Variants in PHF20 observed in about 807,000 individuals in gnomAD.
PHF20 encodes glioma-expressed antigen 2.
Under a neutral mutation model 113.5 loss-of-function variants are expected in PHF20, and 23 were observed. The observed-to-expected ratio is 0.20, with a 90% CI of 0.15 to 0.29. PHF20 has a LOEUF of 0.29. Among genes scored for constraint, PHF20 ranks in the 10% least tolerant of loss-of-function variants. The probability of loss-of-function intolerance (pLI) is 1.00; values close to 1 mark genes in which losing one functional copy is unlikely to be tolerated. For synonymous variants in PHF20, 434 were observed against 457.3 expected, an observed-to-expected ratio of 0.95 and a Z score of 0.65; for missense variants, 943 against 1,219.6, an observed-to-expected ratio of 0.77 and a Z score of 3.38.
chr20:35,862,073 C>T (rs1021527936), intron 5 of PHF20, among the ~76,000 whole-genome samples: 8 of 152,046 alleles, frequency 5.3e-5, no homozygotes, highest in African/African-American at 1.9e-4. Context: ...AGAGGACCCT[C>T]GATTTTTAGT....
chr20:35,865,125 G>A (rs1344918950), intron 6 of PHF20, among the ~76,000 whole-genome samples: 1 of 152,110 alleles, frequency 6.6e-6, no homozygotes, highest in African/African-American at 2.4e-5. Flanking sequence ...CCCAGGAGGC[G>A]GAGGTTGCAG....
At chr20:35,938,623 G>C in intron 15 of PHF20, 74 bp from the exon 16 acceptor site, 3 of 1,413,262 alleles carry the variant, frequency 2.1e-6, no homozygotes, top group Non-Finnish European at 1.9e-6. Context: ...TACTGGGAGA[G>C]TATTTAGGAA....
chr20:35,823,234 A>G (rs558178928), intron 2 of PHF20, among the ~76,000 whole-genome samples: 2 of 152,208 alleles, frequency 1.3e-5, no homozygotes, highest in African/African-American at 2.4e-5. Context: ...TGCTCAACCC[A>G]TAGTAAAATT....
chr20:35,892,766 T>C (rs1274709278), intron 9 of PHF20, among the ~76,000 whole-genome samples: 1 of 152,182 alleles, frequency 6.6e-6, no homozygotes, highest in Non-Finnish European at 1.5e-5. Flanking sequence ...CTTGTGTTGA[T>C]TGTTTTTTCC....
intron 13 of PHF20, among the ~76,000 whole-genome samples, chr20:35,920,471 A>AG (rs1488053202): frequency 6.6e-6 from 1 of 152,206 alleles, no homozygotes; most frequent in Non-Finnish European, 1.5e-5. Context: ...ACCTCTAACA[A>AG]GGCGATCTCA....
chr20:35,905,731 G>A (rs2055190542), intron 10 of PHF20, among the ~76,000 whole-genome samples: 1 of 152,218 alleles, frequency 6.6e-6, no homozygotes, highest in Non-Finnish European at 1.5e-5. Context: ...TGGACCAGAA[G>A]CCGGGAAGAG....
intron 9 of PHF20, among the ~76,000 whole-genome samples, chr20:35,874,956 C>T (rs2054491653): frequency 6.6e-6 from 1 of 151,968 alleles, no homozygotes; most frequent in South Asian, 2.1e-4. Context: ...AAAAATTAGC[C>T]TGGCATGATG....
At chr20:35,902,549 C>G (rs1009490478) in intron 10 of PHF20, among the ~76,000 whole-genome samples, 3 of 152,206 alleles carry the variant, frequency 2.0e-5, no homozygotes, top group Non-Finnish European at 4.4e-5. Context: ...AGGGACTTTG[C>G]TCAGTATAAT....
At chr20:35,916,221 C>T (rs2055401077) in intron 12 of PHF20, among the ~76,000 whole-genome samples, 1 of 152,224 alleles carries the variant, frequency 6.6e-6, no homozygotes, top group South Asian at 2.1e-4. Context: ...TTTGCTTTTG[C>T]AATAATGGTG....
chr20:35,870,032 C>CTA (rs2054390089), intron 7 of PHF20, among the ~76,000 whole-genome samples: 1 of 151,428 alleles, frequency 6.6e-6, no homozygotes, highest in Non-Finnish European at 1.5e-5. Context: ...TGGCCAGGCG[C>CTA]GGTAGCTCAC....
intron 2 of PHF20, 91 bp from the exon 3 acceptor site, chr20:35,842,482 T>C: frequency 8.5e-7 from 1 of 1,170,612 alleles, no homozygotes; most frequent in Non-Finnish European, 1.2e-6. Context: ...ACCTTCTCCT[T>C]TGGGAAGAGG....
Position 35,914,136 on chromosome 20 carries a change from T to A in PHF20, c.1764T>A (p.His588Gln), listed in dbSNP as rs1251149089. 6.2e-7 allele frequency: 1 copy of A among 1,613,994 alleles called. No individual in the cohort carries two copies. The highest frequency in any genetic ancestry group is 8.5e-7 in the Non-Finnish European group (1 of 1,180,020). ...GGTCCTCACACAAGCCAGGGGTCCATATGAGCCCGCAGCTTCATGGCCCAG... is the reference window on the plus strand; with the variant it reads ...GGTCCTCACACAAGCCAGGGGTCCAAATGAGCCCGCAGCTTCATGGCCCAG... ...RCGSSHKPGV[H>Q]MSPQLHGPES... is the part of the protein sequence containing the mutation. Residue 588 changes from histidine to glutamine, a missense_variant, in exon 12 of 18, where the codon CAT becomes CAA. Around this residue, in one of 3 missense-constraint regions of PHF20, gnomAD observed 592 missense variants for 787.2 expected, o/e 0.75. Coordinates refer to ENST00000374012, the MANE Select transcript of PHF20 (RefSeq NM_016436.5).
intron 1 of PHF20, among the ~76,000 whole-genome samples, chr20:35,792,839 T>G (rs932747916): frequency 3.3e-5 from 5 of 152,162 alleles, no homozygotes; most frequent in African/African-American, 1.2e-4. Flanking sequence ...ATTAGCTCAC[T>G]TATTCTTCAC....
chr20:35,899,473 T>G lies in PHF20; in HGVS notation c.1386T>G (p.Phe462Leu), dbSNP rs1165184912. Residue 462 changes from phenylalanine to leucine, a missense_variant, in exon 10 of 18, where the codon TTT becomes TTG. By Grantham distance (22) the Phe-to-Leu change is conservative. This residue lies in a region of PHF20 where 592 missense variants were observed against 787.2 expected (regional missense o/e 0.75). Coordinates refer to ENST00000374012, the MANE Select transcript of PHF20 (RefSeq NM_016436.5). ...FRCKVVDCLK[F>L]FRKAKLLHYH... ...GCAAAGTTGTGGACTGTTTAAAATT[T>G]TTCCGCAAAGCCAAACTGTTGCACT... 3 of 1,614,068 alleles carry G rather than the reference T, an allele frequency of 1.9e-6. No homozygotes were observed. The highest frequency in any genetic ancestry group is 2.7e-5 in the African/African-American group (2 of 74,930).
intron 2 of PHF20, among the ~76,000 whole-genome samples, chr20:35,805,469 G>A (rs958408184): frequency 1.2e-4 from 18 of 149,670 alleles, no homozygotes; most frequent in Non-Finnish European, 2.1e-4. Flanking sequence ...TGCAAGCTCC[G>A]CCTCCCGGGT....
chr20:35,840,999 A>G (rs993175123), intron 2 of PHF20, among the ~76,000 whole-genome samples: 1 of 152,202 alleles, frequency 6.6e-6, no homozygotes, highest in Non-Finnish European at 1.5e-5. Flanking sequence ...CTTTATGCAT[A>G]TATAAGCATA....
intron 15 of PHF20, among the ~76,000 whole-genome samples, chr20:35,932,756 A>G (rs1423610741): frequency 6.6e-6 from 1 of 152,156 alleles, no homozygotes; most frequent in Non-Finnish European, 1.5e-5. Flanking sequence ...TTAAGTGTAC[A>G]GCTCTGCACA....
At chr20:35,864,892 C>T (rs956939910) in intron 6 of PHF20, among the ~76,000 whole-genome samples, 3 of 152,138 alleles carry the variant, frequency 2.0e-5, no homozygotes, top group African/African-American at 7.2e-5. Context: ...GAATGTAACA[C>T]ACCTCGATTT....
intron 9 of PHF20, among the ~76,000 whole-genome samples, chr20:35,880,285 C>G (rs1470515581): frequency 6.6e-6 from 1 of 152,152 alleles, no homozygotes; most frequent in Non-Finnish European, 1.5e-5. Flanking sequence ...GGCAAAGCAG[C>G]TAGCACAGCA....
Sources: gnomAD v4.1 joint callset for allele counts (sites outside exome capture counted in the v4.1 genomes callset) on GRCh38, gnomAD v4.1.1 for gene constraint, gnomAD v4.1.1 regional missense constraint, MANE v1.5 for transcripts, NCBI Gene and HGNC (gene_info 2026-07-23, HGNC 2026-07-21) for gene names.